The following CFAP65 variants were observed in gnomAD, a reference collection of about 807,000 sequenced individuals.
CFAP65 encodes the protein cilia and flagella associated protein 65, also known as cilia- and flagella-associated protein 65.
CFAP65 carries 155 observed loss-of-function variants against 208.0 expected under a neutral mutation model. That is an observed-to-expected ratio of 0.75 (90% CI 0.65 to 0.85). The LOEUF (loss-of-function observed/expected upper bound fraction) is 0.85, where lower values mean the gene tolerates loss of function less well. CFAP65 is among the 40% of genes least tolerant of loss of function. The pLI, the probability that CFAP65 is intolerant of heterozygous loss-of-function variation, is 0.00. For missense variants in CFAP65, 2,294 were observed against 2,451.3 expected, an observed-to-expected ratio of 0.94 and a Z score of 1.36; for synonymous variants, 970 against 986.3, an observed-to-expected ratio of 0.98 and a Z score of 0.31.
chr2:219,020,473 T>C (rs1405799427), intron 19 of CFAP65, among the ~76,000 whole-genome samples: 5 of 152,184 alleles, frequency 3.3e-5, no homozygotes, highest in African/African-American at 1.2e-4. Context: ...TTTTACCTCC[T>C]GGGCTCAAGC....
intron 30 of CFAP65, 61 bp downstream of exon 30, chr2:219,006,404 G>A: frequency 6.3e-7 from 1 of 1,597,282 alleles, no homozygotes; most frequent in South Asian, 1.1e-5. Context: ...GTCTCTCTGG[G>A]AGCAAGCAAG....
At chr2:219,030,399 C>T (rs767045987) in intron 9 of CFAP65, among the ~76,000 whole-genome samples, 191 bp from the exon 10 acceptor site, 7 of 152,220 alleles carry the variant, frequency 4.6e-5, no homozygotes, top group Non-Finnish European at 7.3e-5. Flanking sequence ...CTGCGCTGGG[C>T]CTGCCCAAAG....
In CFAP65 at chr2:219,032,526, A is replaced by G. The variant is rs1191154737; in HGVS notation, c.589T>C (p.Phe197Leu). The G allele has an allele frequency of 3.1e-6, 5 of 1,607,316 alleles. No homozygotes were observed. The East Asian group carries it at 1.1e-4, about 36-fold the overall frequency. Residue 197 changes from phenylalanine (F) to leucine (L), a missense_variant, in exon 6 of 35, where the codon TTC becomes CTC. Phe to Leu is a conservative substitution (Grantham distance 22, BLOSUM62 0). Around this residue, in one of 2 missense-constraint regions of CFAP65, gnomAD observed 867 missense variants for 1,012.6 expected, o/e 0.86. Coordinates refer to ENST00000341552, the MANE Select transcript of CFAP65 (RefSeq NM_194302.4). This position sits in a 1 kb window ranked among gnomAD's most constrained non-coding sequence, Gnocchi z 5.5. ...GTGAGGGTTATGCCTGGGCTCAGGA[A>G]GATGGGCTGAGGGATGACCGTGAAG... ...FFFTVIPQPIFLSPGITLTLP... is the reference protein window; with the variant it reads ...FFFTVIPQPILLSPGITLTLP...
intron 16 of CFAP65, 79 bp downstream of exon 16, chr2:219,023,128 A>C: frequency 8.0e-7 from 1 of 1,253,766 alleles, no homozygotes; most frequent in Non-Finnish European, 1.1e-6. Flanking sequence ...GCACATGGCA[A>C]GTCTGGGCTA....
rs561847165 is a variant in CFAP65, at chr2:219,030,278, G to A, written c.1162-70C>T. On this transcript the variant is annotated intron_variant, in intron 9 of 34. Coordinates refer to ENST00000341552, the MANE Select transcript of CFAP65 (RefSeq NM_194302.4). The stretch of plus-strand genomic sequence containing the variant: ...AGCACTGTATGATGGGACAGTCTAC[G>A]CATTGTACTGGCGTGCCTAGCCAAG... 60 of 1,496,456 alleles carry A rather than the reference G, an allele frequency of 4.0e-5. No individual in the cohort carries two copies. The South Asian group carries it at 6.3e-4, about 16-fold the overall frequency. 92.7% of individuals were successfully genotyped at this position (1,496,456 alleles called of 1,614,324 possible).
Position 219,032,366 on chromosome 2 carries a change from A to G in CFAP65, c.645+104T>C. The G allele has an allele frequency of 2.1e-6, 2 of 942,198 alleles. No individual in the cohort carries two copies. Among genetic ancestry groups the G allele is most frequent in the Non-Finnish European group, 3.2e-6 (2 of 626,376 alleles). 58.4% of individuals were successfully genotyped at this position (942,198 alleles called of 1,614,324 possible). ...CTGGATTGCTGCTGGAGCGGGCAGC[A>G]TGTGTGTGTGCCGGGGCGCTCCTGG... On this transcript the variant is annotated intron_variant, in intron 6 of 34. Transcript: ENST00000341552. The surrounding 1 kb of genome is among the most constrained non-coding windows in gnomAD (Gnocchi z 5.5).
chr2:219,003,381 C>G lies in CFAP65; in HGVS notation c.5556-109G>C. The G allele has an allele frequency of 1.4e-5, 19 of 1,323,934 alleles. No homozygotes were observed. Among genetic ancestry groups the G allele is most frequent in the Non-Finnish European group, 1.9e-5 (19 of 998,228 alleles). 82.0% of individuals were successfully genotyped at this position (1,323,934 alleles called of 1,614,324 possible). On this transcript the variant is annotated intron_variant, in intron 33 of 34. Transcript: ENST00000341552. The surrounding 1 kb of genome is among the most constrained non-coding windows in gnomAD (Gnocchi z 4.4). ...CGCGAGCTCTACGGAGATTCCCATT[C>G]GACTCCCCTCATCCACTACACTATG...
intron 21 of CFAP65, chr2:219,014,410 G>T (rs886070327): frequency 2.9e-5 from 5 of 170,676 alleles, no homozygotes; most frequent in African/African-American, 9.5e-5. Flanking sequence ...TAGGAAGGCT[G>T]GCAGCACCAA....
intron 31 of CFAP65, 96 bp downstream of exon 31, chr2:219,005,925 C>A: frequency 8.0e-7 from 1 of 1,243,100 alleles, no homozygotes; most frequent in Non-Finnish European, 1.1e-6. Context: ...CATGCTCCAC[C>A]CCTCACCATG....
intron 29 of CFAP65, 119 bp from the exon 30 acceptor site, chr2:219,006,628 G>A: frequency 1.1e-6 from 1 of 919,968 alleles, no homozygotes; most frequent in Non-Finnish European, 1.8e-6. Context: ...GAGATCAGAA[G>A]TTTGAGACCT....
intron 19 of CFAP65, among the ~76,000 whole-genome samples, chr2:219,020,179 C>T (rs1044570392): frequency 7.2e-5 from 11 of 152,156 alleles, no homozygotes; most frequent in South Asian, 2.1e-4. Context: ...CCCAGGCAAC[C>T]GCTAATCTAC....
At position 219,032,685 on chromosome 2, in the gene CFAP65, G is replaced by T; in HGVS notation, c.543-113C>A. 1.1e-6 allele frequency: 1 copy of T among 883,292 alleles called. No individual in the cohort carries two copies. The highest frequency in any genetic ancestry group is 1.7e-6 in the Non-Finnish European group (1 of 577,770). 54.7% of individuals were successfully genotyped at this position (883,292 alleles called of 1,614,324 possible). ...GGGAGCTTGAGTCCCTGGGACCACA[G>T]AGAAAGCGATCAGGAGATGAGCACG... is the stretch of plus-strand genomic sequence containing the variant. On this transcript the variant is annotated intron_variant, in intron 5 of 34. Coordinates refer to ENST00000341552, the MANE Select transcript of CFAP65 (RefSeq NM_194302.4). The surrounding 1 kb of genome is among the most constrained non-coding windows in gnomAD (Gnocchi z 5.5).
chr2:219,010,501 G>T, intron 26 of CFAP65, 45 bp downstream of exon 26: 2 of 1,579,574 alleles, frequency 1.3e-6, no homozygotes, highest in Admixed American at 2.0e-5. Flanking sequence ...GGGCTCTGAG[G>T]CTCTCCCACA....
chr2:219,005,797 G>T (rs1945926610), intron 31 of CFAP65, among the ~76,000 whole-genome samples: 4 of 152,112 alleles, frequency 2.6e-5, no homozygotes, highest in African/African-American at 7.2e-5. Context: ...AGGGGTAGGG[G>T]CTGCCTAGGT....
intron 22 of CFAP65, 101 bp downstream of exon 22, chr2:219,013,767 A>AG: frequency 1.6e-6 from 2 of 1,240,220 alleles, no homozygotes; most frequent in Non-Finnish European, 2.3e-6. Flanking sequence ...TGGTCCTCCC[A>AG]GGGAATGGCC....
In CFAP65 at chr2:219,002,968, G is replaced by T; in HGVS notation, c.5747C>A (p.Pro1916Gln). Residue 1916 changes from proline to glutamine, a missense_variant, in exon 35 of 35, where the codon CCG (proline) becomes CAG (glutamine). Physicochemically the swap from Pro to Gln is moderately conservative, Grantham distance 76. Transcript: ENST00000341552. This position sits in a 1 kb window ranked among gnomAD's most constrained non-coding sequence, Gnocchi z 7.9. ...LPTQQAEVLH[P>Q]VVPLPTDLP ...AAGGTCGGTAGGAAGTGGCACCACC[G>T]GGTGGAGTACCTCTGCTTGCTGCGT... 1 of 1,566,684 alleles carries T rather than the reference G, an allele frequency of 6.4e-7. No individual in the cohort carries two copies. Among genetic ancestry groups the T allele is most frequent in the South Asian group, 1.2e-5 (1 of 85,124 alleles).
Position 219,005,520 on chromosome 2 carries a change from A to C in CFAP65, c.4965T>G (p.Thr1655=), listed in dbSNP as rs779950354. The C allele has an allele frequency of 1.9e-6, 3 of 1,613,056 alleles. No individual in the cohort carries two copies. The highest frequency in any genetic ancestry group is 2.5e-6 in the Non-Finnish European group (3 of 1,179,952). ...ACTTGTTAGGGGATTTTTCCTCAGA[A>C]GTCTCTGACTCTTCCCTGGGGGCCT... is the stretch of plus-strand genomic sequence containing the variant. ...KRKAPREESE[T]SEEKSPNKWG... Residue 1655 remains threonine (T), a synonymous_variant, in exon 32 of 35, where the codon ACT becomes ACG. Coordinates refer to ENST00000341552, the MANE Select transcript of CFAP65 (RefSeq NM_194302.4).
chr2:219,002,849 AG>A lies in CFAP65; in HGVS notation c.*87del. On this transcript the variant is annotated 3_prime_UTR_variant, in exon 35 of 35. Coordinates refer to ENST00000341552, the MANE Select transcript of CFAP65 (RefSeq NM_194302.4). This position sits in a 1 kb window ranked among gnomAD's most constrained non-coding sequence, Gnocchi z 7.9. ...GGGGAAATAAAGTCAAGGTAGATACAGAAAAAAGACTAGATGCTTTTACTGG... is the reference window on the plus strand; with the variant it reads ...GGGGAAATAAAGTCAAGGTAGATACAAAAAAAGACTAGATGCTTTTACTGG... 1 of 1,239,310 alleles carries A rather than the reference AG, an allele frequency of 8.1e-7. No homozygotes were observed. The highest frequency in any genetic ancestry group is 2.0e-5 in the Admixed American group (1 of 50,126). 76.8% of individuals were successfully genotyped at this position (1,239,310 alleles called of 1,614,324 possible). A position where few individuals can be genotyped will look rare whatever the true frequency, so the allele number is the denominator to read the frequency against.
chr2:219,013,450 C>G (rs1425696458), intron 23 of CFAP65, 69 bp downstream of exon 23: 2 of 1,549,586 alleles, frequency 1.3e-6, no homozygotes, highest in Non-Finnish European at 1.8e-6. Context: ...ACACAGCTCC[C>G]TGCTCCTGTC....
Sources: gnomAD v4.1 joint callset for allele counts (sites outside exome capture counted in the v4.1 genomes callset) on GRCh38, gnomAD v4.1.1 for gene constraint, gnomAD v4.1.1 regional missense constraint, Gnocchi (gnomAD v3.1) non-coding constraint, MANE v1.5 for transcripts, NCBI Gene and HGNC (gene_info 2026-07-23, HGNC 2026-07-21) for gene names.